The following CTNND2 variants were observed in gnomAD, a reference collection of about 807,000 sequenced individuals.
CTNND2 encodes the protein catenin delta-2.
A neutral mutation model predicts 144.4 loss-of-function variants in CTNND2; 22 were observed. The observed-to-expected ratio is 0.15, with a 90% confidence interval of 0.11 to 0.22. The LOEUF is 0.22. Ranked by LOEUF, CTNND2 falls within the 10% of genes least tolerant of loss-of-function variation. The pLI, the probability that CTNND2 is intolerant of heterozygous loss-of-function variation, is 1.00. For missense variants in CTNND2, 1,353 were observed against 1,618.8 expected, an observed-to-expected ratio of 0.84 and a Z score of 2.82; for synonymous variants, 751 against 695.6, an observed-to-expected ratio of 1.08 and a Z score of -1.25.
intron 16 of CTNND2, among the ~76,000 whole-genome samples, chr5:11,031,596 T>G (rs1028065811): frequency 6.6e-6 from 1 of 152,162 alleles, no homozygotes; most frequent in Non-Finnish European, 1.5e-5. Context: ...AAGTAGTGTT[T>G]CTGGTGTGTC....
rs1465569788 is a variant in CTNND2 at position 11,444,157 on chromosome 5, A to T, written c.288-32088T>A. On this transcript the variant is annotated intron_variant, in intron 3 of 21. Transcript: ENST00000304623. Reference sequence around the variant, plus strand: ...TTAGAAGTAAGTAACAGATAACTCAACTGACTGAATGCACTGTGGAAGTGA... The same window carrying T: ...TTAGAAGTAAGTAACAGATAACTCATCTGACTGAATGCACTGTGGAAGTGA... Among the ~76,000 whole-genome samples the T allele has an allele frequency of 2.6e-5, 4 of 152,204 alleles. No homozygotes were observed. The South Asian group carries it at 6.2e-4, about 24-fold the overall frequency.
At chr5:11,366,940 G>A (rs1218073794) in intron 7 of CTNND2, among the ~76,000 whole-genome samples, 2 of 152,194 alleles carry the variant, frequency 1.3e-5, no homozygotes, top group East Asian at 1.9e-4. Context: ...TGATGACCAA[G>A]GGTGCTAGGC....
chr5:11,270,294 G>A (rs958147007), intron 9 of CTNND2, among the ~76,000 whole-genome samples: 31 of 151,904 alleles, frequency 2.0e-4, no homozygotes, highest in African/African-American at 7.5e-4. Context: ...TAGTTATATA[G>A]TTATATAGTT....
intron 2 of CTNND2, among the ~76,000 whole-genome samples, 163 bp from the exon 3 acceptor site, chr5:11,565,219 G>A (rs1168605092): frequency 6.6e-6 from 1 of 152,212 alleles, no homozygotes; most frequent in Non-Finnish European, 1.5e-5. Context: ...CAGGCTTGTG[G>A]CCCACTGGCC....
intron 16 of CTNND2, among the ~76,000 whole-genome samples, chr5:11,045,335 T>C (rs938382247): frequency 1.3e-5 from 2 of 151,750 alleles, no homozygotes; most frequent in African/African-American, 2.4e-5. Context: ...AGCCAGTGTG[T>C]GCAGAGATCG....
chr5:11,211,342 C>T (rs1580599498), intron 10 of CTNND2, among the ~76,000 whole-genome samples: 1 of 127,206 alleles, frequency 7.9e-6, no homozygotes, highest in African/African-American at 3.1e-5. Context: ...ATTTAAGTTG[C>T]CCTAACTCAT....
intron 18 of CTNND2, among the ~76,000 whole-genome samples, chr5:11,006,907 T>C (rs1740546613): frequency 6.6e-6 from 1 of 152,034 alleles, no homozygotes; most frequent in African/African-American, 2.4e-5. Context: ...AGGAGGAAAA[T>C]GGACAATGTC....
intron 8 of CTNND2, among the ~76,000 whole-genome samples, chr5:11,350,309 A>T (rs1012090022): frequency 6.6e-6 from 1 of 152,114 alleles, no homozygotes; most frequent in African/African-American, 2.4e-5. Context: ...CATGCAAAAA[A>T]GTACAAAAAT....
chr5:11,307,281 T>C (rs1750338372), intron 9 of CTNND2, among the ~76,000 whole-genome samples: 1 of 150,896 alleles, frequency 6.6e-6, no homozygotes, highest in Non-Finnish European at 1.5e-5. Flanking sequence ...TGTGAGATAA[T>C]ATCCAAACCA....
At chr5:11,739,503 G>C (rs911389060) in intron 1 of CTNND2, among the ~76,000 whole-genome samples, 5 of 152,182 alleles carry the variant, frequency 3.3e-5, no homozygotes, top group Non-Finnish European at 5.9e-5. Flanking sequence ...CTGGGCAGCT[G>C]AGCTCTATGG....
chr5:11,338,591 A>G (rs530687165), intron 9 of CTNND2, among the ~76,000 whole-genome samples: 11 of 152,346 alleles, frequency 7.2e-5, no homozygotes, highest in African/African-American at 2.6e-4. Flanking sequence ...ACTATGCATC[A>G]GGCATGATTG....
At chr5:11,571,317 G>A (rs1010056940) in intron 2 of CTNND2, among the ~76,000 whole-genome samples, 1 of 152,146 alleles carries the variant, frequency 6.6e-6, no homozygotes, top group African/African-American at 2.4e-5. Context: ...CTTGTTAGCT[G>A]TGCCTTCCAG....
chr5:11,080,551 T>C (rs1283423529), intron 16 of CTNND2, among the ~76,000 whole-genome samples: 1 of 152,150 alleles, frequency 6.6e-6, no homozygotes, highest in East Asian at 1.9e-4. Flanking sequence ...TTATTCACAA[T>C]AGTTAATGTA....
At chr5:11,178,022 G>T (rs1323195161) in intron 11 of CTNND2, among the ~76,000 whole-genome samples, 2 of 152,156 alleles carry the variant, frequency 1.3e-5, no homozygotes, top group African/African-American at 4.8e-5. Context: ...CGAAGGCAAA[G>T]AAATAGAAAA....
chr5:11,631,684 T>C (rs1210303345), intron 2 of CTNND2, among the ~76,000 whole-genome samples: 1 of 152,102 alleles, frequency 6.6e-6, no homozygotes, highest in East Asian at 1.9e-4. Context: ...CAAATATGAT[T>C]GAGAGGTATA....
rs184607872 is a variant in CTNND2, at chr5:11,250,728, G to A, written c.1629-13905C>T. On this transcript the variant is annotated intron_variant, in intron 9 of 21. Transcript: ENST00000304623. ...GACAGGGTCTCACTAGGTTGCTCAG[G>A]CTGGTCTCCAACTCCAAGGCTCAAG... 3.8e-3 allele frequency among the ~76,000 whole-genome samples: 575 copies of A among 151,700 alleles called. 1 individual carries two copies. The highest frequency in any genetic ancestry group is 0.013 in the African/African-American group (547 of 41,356).
chr5:11,786,800 A>G (rs1366191390), intron 1 of CTNND2, among the ~76,000 whole-genome samples: 2 of 152,242 alleles, frequency 1.3e-5, no homozygotes, highest in African/African-American at 4.8e-5. Context: ...GCTAACTAAC[A>G]TACTGAGCTT....
At chr5:11,117,146 A>C (rs1388311282) in intron 13 of CTNND2, among the ~76,000 whole-genome samples, 1 of 151,826 alleles carries the variant, frequency 6.6e-6, no homozygotes, top group Non-Finnish European at 1.5e-5. Context: ...AAAAAAAAAA[A>C]CTAGAAGCTT....
chr5:11,378,672 C>T (rs1435910431), intron 7 of CTNND2, among the ~76,000 whole-genome samples: 1 of 152,130 alleles, frequency 6.6e-6, no homozygotes, highest in Non-Finnish European at 1.5e-5. Flanking sequence ...GCATTTTGAC[C>T]CCATCCCAGG....
Sources: allele counts gnomAD v4.1 joint callset (sites outside exome capture counted in the v4.1 genomes callset), GRCh38; gene constraint gnomAD v4.1.1; transcripts MANE v1.5; gene names NCBI Gene and HGNC (gene_info 2026-07-23, HGNC 2026-07-21).